The following ZNF431 variants were observed in gnomAD, a reference collection of about 807,000 sequenced individuals.
The protein encoded by ZNF431 is zinc finger protein 431.
In ZNF431, 34 loss-of-function variants were observed where a neutral mutation model predicts 57.0. The observed-to-expected ratio is 0.60, with a 90% CI of 0.45 to 0.79. ZNF431 has a LOEUF of 0.79. Among genes scored for constraint, ZNF431 ranks in the 30% least tolerant of loss-of-function variants. The pLI is 0.00. For missense variants in ZNF431, 607 were observed against 667.1 expected (o/e 0.91, Z 0.99); for synonymous variants, 207 against 220.3 (o/e 0.94, Z 0.54).
At chr19:21,158,035 A>G (rs1970468344) in intron 2 of ZNF431, among the ~76,000 whole-genome samples, 1 of 152,126 alleles carries the variant, frequency 6.6e-6, no homozygotes, top group Non-Finnish European at 1.5e-5. Flanking sequence ...TTTTGGTTCC[A>G]TATAAATTTT....
At chr19:21,178,013 TCTC>T (rs1490734598) in intron 4 of ZNF431, among the ~76,000 whole-genome samples, 1 of 152,168 alleles carries the variant, frequency 6.6e-6, no homozygotes, top group African/African-American at 2.4e-5. Flanking sequence ...GGTTTGTAGT[TCTC>T]CTTGAAGAGG....
rs1971553311 is a variant in ZNF431 at position 21,193,818 on chromosome 19, CA to C, written c.*9785del. 6.6e-6 allele frequency: 1 copy of C among 152,050 alleles called. No individual in the cohort carries two copies. The highest frequency in any genetic ancestry group is 2.4e-5 in the African/African-American group (1 of 41,408). 9.4% of individuals were successfully genotyped at this position (152,050 alleles called of 1,614,324 possible). A position where few individuals can be genotyped will look rare whatever the true frequency, so the allele number is the denominator to read the frequency against. On this transcript the variant is annotated 3_prime_UTR_variant, in exon 5 of 5. Coordinates refer to ENST00000311048, the MANE Select transcript of ZNF431 (RefSeq NM_133473.4). ...ATTAACACAATAGATGCAGAAAAAGCATTCAAGAAAATCCAGTATTCATTTA... is the reference window on the plus strand; with the variant it reads ...ATTAACACAATAGATGCAGAAAAAGCTTCAAGAAAATCCAGTATTCATTTA...
At position 21,151,984 on chromosome 19, in the gene ZNF431, G is replaced by A. The variant is rs537992556; in HGVS notation, c.96+8341G>A. On this transcript the variant is annotated intron_variant, in intron 2 of 4. Coordinates refer to ENST00000311048, the MANE Select transcript of ZNF431 (RefSeq NM_133473.4). ...GGTTCCATTTCCCCGAGTGGCCCTA[G>A]TGATGTGGCTGGCTGCACCACAGCC... Among the ~76,000 whole-genome samples the A allele has an allele frequency of 2.7e-4, 41 of 152,318 alleles. No individual in the cohort carries two copies. The South Asian group carries it at 4.3e-3, about 16-fold the overall frequency.
intron 4 of ZNF431, among the ~76,000 whole-genome samples, chr19:21,174,280 TTC>T (rs1355044122): frequency 6.6e-6 from 1 of 152,220 alleles, no homozygotes; most frequent in East Asian, 1.9e-4. Context: ...AATGCCTGTT[TTC>T]TGTTTTCTTA....
At chr19:21,161,882 G>A (rs1345355550) in intron 2 of ZNF431, among the ~76,000 whole-genome samples, 1 of 152,060 alleles carries the variant, frequency 6.6e-6, no homozygotes, top group African/African-American at 2.4e-5. Context: ...TCGAACTCCC[G>A]ACCTCAGGTG....
rs557339410 is a variant in ZNF431 at position 21,160,776 on chromosome 19, A to G, written c.97-5559A>G. Among the ~76,000 whole-genome samples the G allele has an allele frequency of 8.5e-4, 130 of 152,346 alleles. 1 individual carries two copies. The highest frequency in any genetic ancestry group is 2.9e-3 in the African/African-American group (121 of 41,586). On this transcript the variant is annotated intron_variant, in intron 2 of 4. Coordinates refer to ENST00000311048, the MANE Select transcript of ZNF431 (RefSeq NM_133473.4). ...ATAAGAGGTCACTTTAGTTGGTACCAAGATGAGAGTTTCTCCAGTTTCCTA... is the reference window on the plus strand; with the variant it reads ...ATAAGAGGTCACTTTAGTTGGTACCGAGATGAGAGTTTCTCCAGTTTCCTA...
At chr19:21,167,517 T>C in intron 3 of ZNF431, 54 bp from the exon 4 acceptor site, 1 of 1,318,396 alleles carries the variant, frequency 7.6e-7, no homozygotes, top group Non-Finnish European at 1.0e-6. Context: ...CAGTACTAGG[T>C]TAGTAATTAG....
intron 4 of ZNF431, among the ~76,000 whole-genome samples, chr19:21,179,681 T>G (rs1442690392): frequency 6.6e-6 from 1 of 151,846 alleles, no homozygotes; most frequent in Admixed American, 6.6e-5. Flanking sequence ...TGCCTCAGCT[T>G]CCCATGTAGC....
At chr19:21,175,421 T>A (rs550487451) in intron 4 of ZNF431, 4 of 696,948 alleles carry the variant, frequency 5.7e-6, no homozygotes, top group African/African-American at 3.5e-5. Flanking sequence ...GTTCTTTTTT[T>A]AAGTTTAATT....
intron 2 of ZNF431, among the ~76,000 whole-genome samples, chr19:21,159,716 A>G (rs775946925): frequency 6.6e-6 from 1 of 152,200 alleles, no homozygotes; most frequent in Non-Finnish European, 1.5e-5. Flanking sequence ...CCTTTTACTC[A>G]GTATTTTAAA....
rs563623095 is a variant in ZNF431, at chr19:21,194,207, A to G, written c.*10173A>G. On this transcript the variant is annotated 3_prime_UTR_variant, in exon 5 of 5. Coordinates refer to ENST00000311048, the MANE Select transcript of ZNF431 (RefSeq NM_133473.4). ...ACAAAAATGAATAGCATTGCCTTAC[A>G]CCAATAACATTCAAGCTGAGAACAA... 71 of 152,346 alleles carry G rather than the reference A, an allele frequency of 4.7e-4. No homozygotes were observed. The highest frequency in any genetic ancestry group is 1.7e-3 in the African/African-American group (70 of 41,580). 9.4% of individuals were successfully genotyped at this position (152,346 alleles called of 1,614,324 possible). A position where few individuals can be genotyped will look rare whatever the true frequency, so the allele number is the denominator to read the frequency against.
At position 21,145,410 on chromosome 19, in the gene ZNF431, G is replaced by T. The variant is rs546127830; in HGVS notation, c.96+1767G>T. Among the ~76,000 whole-genome samples the T allele has an allele frequency of 3.5e-4, 53 of 152,318 alleles. No homozygotes were observed. In the Middle Eastern group the frequency reaches 0.014, roughly 39 times the overall value. On this transcript the variant is annotated intron_variant, in intron 2 of 4. Coordinates refer to ENST00000311048, the MANE Select transcript of ZNF431 (RefSeq NM_133473.4). The stretch of plus-strand genomic sequence containing the variant: ...GAGAATGGCATGAACCCGAGAGGCG[G>T]AGCTTACAGTGAGCCAAGATCGCGC...
Position 21,183,722 on chromosome 19 carries a change from A to G in ZNF431, c.1419A>G (p.Thr473=), listed in dbSNP as rs141575176. ...KAFSQSSILT[T]HKRIHTGEKP... ...TTAGCCAGTCATCAATCCTTACTAC[A>G]CATAAGAGAATTCACACTGGAGAGA... Residue 473 remains threonine, a synonymous_variant, in exon 5 of 5, where the codon ACA becomes ACG. Transcript: ENST00000311048. 2.5e-5 allele frequency: 40 copies of G among 1,613,738 alleles called. No homozygotes were observed. The highest frequency in any genetic ancestry group is 3.1e-5 in the Non-Finnish European group (37 of 1,180,012).
At chr19:21,166,944 C>G (rs1970735385) in intron 3 of ZNF431, among the ~76,000 whole-genome samples, 1 of 152,126 alleles carries the variant, frequency 6.6e-6, no homozygotes, top group South Asian at 2.1e-4. Flanking sequence ...CTCACTGCAA[C>G]CTCCACCCTG....
intron 3 of ZNF431, among the ~76,000 whole-genome samples, chr19:21,166,752 C>T (rs1289290436): frequency 6.6e-6 from 1 of 152,116 alleles, no homozygotes; most frequent in Admixed American, 6.6e-5. Context: ...ATCTATTTGC[C>T]ATCACCAATT....
At position 21,195,656 on chromosome 19, in the gene ZNF431, C is replaced by T. The variant is rs1197475796; in HGVS notation, c.*11622C>T. ...TCTTCCTTGATACGTATGAGATTCACCAGTACCAGTTTTTCTCTTGTGGTG... is the reference window on the plus strand; with the variant it reads ...TCTTCCTTGATACGTATGAGATTCATCAGTACCAGTTTTTCTCTTGTGGTG... On this transcript the variant is annotated 3_prime_UTR_variant, in exon 5 of 5. Transcript: ENST00000311048. 6.6e-6 allele frequency: 1 copy of T among 152,094 alleles called. No homozygotes were observed. Among genetic ancestry groups the T allele is most frequent in the Admixed American group, 6.5e-5 (1 of 15,268 alleles). The allele number at this position is 152,094 out of a possible 1,614,324, so 9.4% of individuals were successfully genotyped here.
Position 21,166,331 on chromosome 19 carries a change from T to C in ZNF431, c.97-4T>C, listed in dbSNP as rs747588677. On this transcript the variant is annotated splice_region_variant and splice_polypyrimidine_tract_variant and intron_variant, in intron 2 of 4. Coordinates refer to ENST00000311048, the MANE Select transcript of ZNF431 (RefSeq NM_133473.4). ...ATGTGTGTCTCTGTGCTTGTGTTTT[T>C]CAGGAGACATTGACATTTAGGGATG... 4.3e-6 allele frequency: 7 copies of C among 1,612,380 alleles called. 1 individual carries two copies. The South Asian group carries it at 6.6e-5, about 15-fold the overall frequency.
chr19:21,146,114 G>A (rs1970086700), intron 2 of ZNF431, among the ~76,000 whole-genome samples: 1 of 152,078 alleles, frequency 6.6e-6, no homozygotes, highest in African/African-American at 2.4e-5. Flanking sequence ...CCCCAAAAGA[G>A]GGTTCTTGGA....
Position 21,143,548 on chromosome 19 carries a change from T to C in ZNF431, c.4-3T>C, listed in dbSNP as rs887684776. On this transcript the variant is annotated splice_polypyrimidine_tract_variant and splice_region_variant and intron_variant, in intron 1 of 4. Coordinates refer to ENST00000311048, the MANE Select transcript of ZNF431 (RefSeq NM_133473.4). Reference sequence around the variant, plus strand: ...TCAGCTTCTGGTTTATTTTCTTCCATAGGACGACTTGAAATATGGAGTGTA... The same window carrying C: ...TCAGCTTCTGGTTTATTTTCTTCCACAGGACGACTTGAAATATGGAGTGTA... The C allele has an allele frequency of 2.1e-5, 34 of 1,612,098 alleles. No individual in the cohort carries two copies. The highest frequency in any genetic ancestry group is 2.7e-5 in the Non-Finnish European group (32 of 1,178,242).
Sources: gnomAD v4.1 joint callset for allele counts (sites outside exome capture counted in the v4.1 genomes callset) on GRCh38, gnomAD v4.1.1 for gene constraint, MANE v1.5 for transcripts, NCBI Gene and HGNC (gene_info 2026-07-23, HGNC 2026-07-21) for gene names.